EMP2: variants seen among roughly 807,000 people sequenced by gnomAD.
EMP2 encodes epithelial membrane protein 2.
EMP2 carries 19 observed loss-of-function variants against 13.7 expected under a neutral mutation model. The observed-to-expected ratio is 1.38, with a 90% CI of 0.97 to 2.03. The LOEUF (loss-of-function observed/expected upper bound fraction) is 2.03, where lower values mean the gene tolerates loss of function less well. EMP2 is among the 30% of genes most tolerant of loss of function. The pLI is 0.00. For synonymous variants in EMP2, 97 were observed against 84.7 expected, an observed-to-expected ratio of 1.15 and a Z score of -0.80; for missense variants, 253 against 220.7, an observed-to-expected ratio of 1.15 and a Z score of -0.93.
At chr16:10,571,503 G>C (rs962426600) in intron 1 of EMP2, among the ~76,000 whole-genome samples, 2 of 152,088 alleles carry the variant, frequency 1.3e-5, no homozygotes, top group Non-Finnish European at 2.9e-5. Context: ...CAGGAGATTC[G>C]GAAGGTCAGT....
intron 1 of EMP2, among the ~76,000 whole-genome samples, chr16:10,579,362 A>G (rs559538258): frequency 6.6e-6 from 1 of 152,116 alleles, no homozygotes; most frequent in Non-Finnish European, 1.5e-5. Context: ...GGCTTTTAAA[A>G]AATTTTTATG....
intron 1 of EMP2, among the ~76,000 whole-genome samples, chr16:10,554,037 T>TTCTTTC (rs201790364): frequency 6.7e-6 from 1 of 148,284 alleles, no homozygotes; most frequent in Non-Finnish European, 1.5e-5. Flanking sequence ...CTTTCTTTCT[T>TTCTTTC]TTTTTTTTTT....
chr16:10,564,484 C>T, intron 1 of EMP2, among the ~76,000 whole-genome samples: 1 of 110,002 alleles, frequency 9.1e-6, no homozygotes, highest in African/African-American at 3.9e-5. Context: ...GAGTGAGACT[C>T]TGTCTCAAAA....
intron 2 of EMP2, chr16:10,545,801 A>T (rs963898042): frequency 6.6e-6 from 1 of 152,094 alleles, no homozygotes; most frequent in African/African-American, 2.4e-5. Context: ...GTCTGTAGAA[A>T]AATTGTCTTC....
At chr16:10,576,828 A>C (rs1360999417) in intron 1 of EMP2, 1 of 152,224 alleles carries the variant, frequency 6.6e-6, no homozygotes, top group Admixed American at 6.5e-5. Flanking sequence ...GGAGGGACTC[A>C]TTTGGCCAGT....
chr16:10,554,765 G>A (rs1038349414), intron 1 of EMP2, among the ~76,000 whole-genome samples: 1 of 152,050 alleles, frequency 6.6e-6, no homozygotes, highest in African/African-American at 2.4e-5. Flanking sequence ...TCTTGTCTCG[G>A]TTCCCCTGAA....
At chr16:10,565,337 T>C (rs1323785336) in intron 1 of EMP2, among the ~76,000 whole-genome samples, 1 of 152,202 alleles carries the variant, frequency 6.6e-6, no homozygotes, top group African/African-American at 2.4e-5. Flanking sequence ...GTCAAGCAGA[T>C]TGCCCTCCCT....
At chr16:10,549,809 G>C (rs2050770594) in intron 1 of EMP2, among the ~76,000 whole-genome samples, 1 of 150,154 alleles carries the variant, frequency 6.7e-6, no homozygotes, top group South Asian at 2.1e-4. Flanking sequence ...ATACAACTAA[G>C]TGCTTTAGTG....
At chr16:10,553,103 G>T (rs1467088649) in intron 1 of EMP2, among the ~76,000 whole-genome samples, 3 of 152,204 alleles carry the variant, frequency 2.0e-5, no homozygotes, top group African/African-American at 7.2e-5. Context: ...GACTTCACCC[G>T]AGGCTTTGGA....
rs2050620008 is a variant in EMP2 at position 10,533,020 on chromosome 16, A to G, written c.389T>C (p.Phe130Ser). The change falls in exon 5 of 5, where the codon TTC becomes TCC. Residue 130 changes from phenylalanine (F) to serine (S), a missense_variant. Physicochemically the swap from Phe to Ser is radical, Grantham distance 155. Transcript: ENST00000359543. ...GCTGCCTTCTCTGGTCACGGGATAG[A>G]ATTTCGCGTTTTTGTCGTGAATGTC... is the stretch of plus-strand genomic sequence containing the variant. The part of the protein sequence containing the change: ...REDIHDKNAK[F>S]YPVTREGSYG... The G allele has an allele frequency of 3.7e-6, 6 of 1,611,300 alleles. No individual in the cohort carries two copies. The highest frequency in any genetic ancestry group is 5.1e-6 in the Non-Finnish European group (6 of 1,178,850).
intron 1 of EMP2, among the ~76,000 whole-genome samples, chr16:10,549,699 A>T (rs1349044829): frequency 2.8e-5 from 4 of 145,176 alleles, no homozygotes; most frequent in African/African-American, 1.0e-4. Context: ...CCCCAGTTTT[A>T]AATGGATTAA....
At chr16:10,537,603 C>T (rs1299299473) in intron 4 of EMP2, among the ~76,000 whole-genome samples, 1 of 152,118 alleles carries the variant, frequency 6.6e-6, no homozygotes, top group Non-Finnish European at 1.5e-5. Flanking sequence ...GGACACTGTT[C>T]CCTCCTCTCT....
At chr16:10,555,346 A>G (rs2050819564) in intron 1 of EMP2, among the ~76,000 whole-genome samples, 1 of 152,232 alleles carries the variant, frequency 6.6e-6, no homozygotes, top group Admixed American at 6.5e-5. Flanking sequence ...GCCAAGCAGA[A>G]CATTCTAAAA....
chr16:10,579,008 G>C (rs1184032366), intron 1 of EMP2, among the ~76,000 whole-genome samples: 1 of 152,254 alleles, frequency 6.6e-6, no homozygotes, highest in Non-Finnish European at 1.5e-5. Context: ...TCAAGGTCTA[G>C]TTCTTTGCAT....
chr16:10,554,898 C>T (rs977741615), intron 1 of EMP2, among the ~76,000 whole-genome samples: 4 of 152,324 alleles, frequency 2.6e-5, no homozygotes, highest in East Asian at 3.9e-4. Context: ...AAAGTAACCA[C>T]GCCCCCTCCA....
chr16:10,539,138 G>A (rs1233127252), intron 3 of EMP2, among the ~76,000 whole-genome samples: 1 of 152,170 alleles, frequency 6.6e-6, no homozygotes, highest in Non-Finnish European at 1.5e-5. Flanking sequence ...GGAGTCCTGT[G>A]TAAGAGCTGA....
chr16:10,555,937 C>G (rs2050824282), intron 1 of EMP2, among the ~76,000 whole-genome samples: 1 of 152,128 alleles, frequency 6.6e-6, no homozygotes, highest in African/African-American at 2.4e-5. Flanking sequence ...CTTCCCTTCT[C>G]CATATTTCCA....
In EMP2 at chr16:10,556,808, C is replaced by T. The variant is rs78077154; in HGVS notation, c.-60-9131G>A. Among the ~76,000 whole-genome samples, 1,429 of 152,294 alleles carry T rather than the reference C, an allele frequency of 9.4e-3. 27 individuals are homozygous for T. Among genetic ancestry groups the T allele is most frequent in the African/African-American group, 0.032 (1,347 of 41,564 alleles). On this transcript the variant is annotated intron_variant, in intron 1 of 4. Coordinates refer to ENST00000359543, the MANE Select transcript of EMP2 (RefSeq NM_001424.6). ...TGCCAAAATTCACAGGACTGGAACT[C>T]ACTAGTTTTCCAGTTCCAAATACAG... is the stretch of plus-strand genomic sequence containing the variant.
chr16:10,560,776 G>C (rs1596378684), intron 1 of EMP2, among the ~76,000 whole-genome samples: 1 of 152,090 alleles, frequency 6.6e-6, no homozygotes, highest in Non-Finnish European at 1.5e-5. Flanking sequence ...GTGGGGAGAG[G>C]GTGTCACAGG....
Sources: allele counts gnomAD v4.1 joint callset (sites outside exome capture counted in the v4.1 genomes callset), GRCh38; gene constraint gnomAD v4.1.1; transcripts MANE v1.5; gene names NCBI Gene and HGNC (gene_info 2026-07-23, HGNC 2026-07-21).